Variants in GALNT10 observed in about 807,000 individuals in gnomAD.
GALNT10 encodes polypeptide N-acetylgalactosaminyltransferase 10.
Under a neutral mutation model 75.0 loss-of-function variants are expected in GALNT10, and 41 were observed. The observed-to-expected ratio is 0.55, with a 90% CI of 0.43 to 0.71. GALNT10 has a LOEUF of 0.71. Among genes scored for constraint, GALNT10 ranks in the 30% least tolerant of loss-of-function variants. The pLI, the probability that GALNT10 is intolerant of heterozygous loss-of-function variation, is 0.00. For missense variants in GALNT10, 727 were observed against 818.5 expected (o/e 0.89, Z 1.36); for synonymous variants, 302 against 313.0 (o/e 0.96, Z 0.37).
At chr5:154,289,395 T>G (rs1754158664) in intron 1 of GALNT10, among the ~76,000 whole-genome samples, 1 of 152,194 alleles carries the variant, frequency 6.6e-6, no homozygotes, top group Admixed American at 6.5e-5. Flanking sequence ...ACCTTTCCCA[T>G]TGATGAGCAT....
rs761019467 is a variant in GALNT10, at chr5:154,376,391, C to T, written c.683C>T (p.Ala228Val). The T allele has an allele frequency of 6.2e-7, 1 of 1,607,628 alleles. No individual in the cohort carries two copies. ...ACCCGAATGCTGGGGGCCTCAGTGGCAACTGGGGATGTCATCACATTCTTG... is the reference window on the plus strand; with the variant it reads ...ACCCGAATGCTGGGGGCCTCAGTGGTAACTGGGGATGTCATCACATTCTTG... The part of the protein sequence containing the change: ...IRTRMLGASV[A>V]TGDVITFLDS... Residue 228 changes from alanine (A) to valine (V), a missense_variant, in exon 5 of 12, where the codon GCA (alanine) becomes GTA (valine). Coordinates refer to ENST00000297107, the MANE Select transcript of GALNT10 (RefSeq NM_198321.4). The surrounding 1 kb of genome is among the most constrained non-coding windows in gnomAD (Gnocchi z 4.1).
At chr5:154,260,320 GC>G (rs1753683282) in intron 1 of GALNT10, among the ~76,000 whole-genome samples, 1 of 152,144 alleles carries the variant, frequency 6.6e-6, no homozygotes, top group Non-Finnish European at 1.5e-5. Flanking sequence ...AGGTGTTTTA[GC>G]TGTCCATAAT....
At chr5:154,373,191 T>C (rs2194109) in intron 4 of GALNT10, among the ~76,000 whole-genome samples, 1 of 152,132 alleles carries the variant, frequency 6.6e-6, no homozygotes, top group Non-Finnish European at 1.5e-5. Flanking sequence ...GGCACTTTGG[T>C]GAAGGCAGGT....
intron 3 of GALNT10, among the ~76,000 whole-genome samples, chr5:154,303,739 C>T (rs746842713): frequency 7.2e-5 from 11 of 152,158 alleles, no homozygotes; most frequent in Admixed American, 2.0e-4. Context: ...ATATATAATG[C>T]ACCCAGAACA....
intron 2 of GALNT10, 146 bp from the exon 3 acceptor site, chr5:154,297,795 T>C (rs28711194): frequency 0.015 from 3,996 of 273,818 alleles, 76 homozygotes; most frequent in African/African-American, 0.1. Flanking sequence ...CTCCTACTCT[T>C]TGTACTGAGC....
At chr5:154,257,056 C>T (rs1753626054) in intron 1 of GALNT10, among the ~76,000 whole-genome samples, 1 of 151,988 alleles carries the variant, frequency 6.6e-6, no homozygotes, top group Non-Finnish European at 1.5e-5. Context: ...GGGAGGATTG[C>T]TTGAAGCCAG....
chr5:154,197,699 G>T (rs1561625591), intron 1 of GALNT10, among the ~76,000 whole-genome samples: 1 of 152,164 alleles, frequency 6.6e-6, no homozygotes, highest in Non-Finnish European at 1.5e-5. Context: ...TGATGATATG[G>T]CTGATAATGA....
intron 1 of GALNT10, chr5:154,218,234 A>G (rs1447697096): frequency 1.9e-5 from 11 of 566,184 alleles, no homozygotes; most frequent in East Asian, 1.4e-4. Context: ...AAGCCCTCCC[A>G]GGACTTCAAG....
At chr5:154,223,027 G>A (rs1192775907) in intron 1 of GALNT10, among the ~76,000 whole-genome samples, 2 of 152,122 alleles carry the variant, frequency 1.3e-5, no homozygotes, top group Admixed American at 6.6e-5. Flanking sequence ...CCTGAATGTG[G>A]TACCAACATG....
At chr5:154,415,623 C>T (rs1331611321) in intron 10 of GALNT10, among the ~76,000 whole-genome samples, 160 bp from the exon 11 acceptor site, 1 of 152,140 alleles carries the variant, frequency 6.6e-6, no homozygotes, top group African/African-American at 2.4e-5. Flanking sequence ...AGCCACCGCA[C>T]CTGGCCAAGT....
At chr5:154,223,526 G>A (rs994620699) in intron 1 of GALNT10, among the ~76,000 whole-genome samples, 4 of 152,160 alleles carry the variant, frequency 2.6e-5, no homozygotes, top group Non-Finnish European at 5.9e-5. Flanking sequence ...TTTATTTTTG[G>A]CTCTGTGCCA....
intron 4 of GALNT10, among the ~76,000 whole-genome samples, chr5:154,358,486 G>A (rs902396654): frequency 6.6e-6 from 1 of 152,180 alleles, no homozygotes; most frequent in Non-Finnish European, 1.5e-5. Flanking sequence ...TAAGGAAACT[G>A]AAGCTTAGAG....
intron 1 of GALNT10, among the ~76,000 whole-genome samples, chr5:154,244,756 A>G (rs138575825): frequency 6.6e-6 from 1 of 152,240 alleles, no homozygotes; most frequent in African/African-American, 2.4e-5. Context: ...CAGCCACTTC[A>G]GCCTGGAACC....
intron 3 of GALNT10, among the ~76,000 whole-genome samples, chr5:154,321,806 C>T (rs535430210): frequency 5.6e-4 from 85 of 152,190 alleles, no homozygotes; most frequent in African/African-American, 1.8e-3. Flanking sequence ...GCCCCCTAGA[C>T]AGCACCTGCC....
Position 154,405,852 on chromosome 5 carries a change from TTTG to T in GALNT10, c.1164+1657_1164+1659del, listed in dbSNP as rs766497502. ...AAACGAGACCATGTCTCAAAGAAAG[TTTG>T]TTGTTGTTGTTGTTGCTGTTGTTTT... On this transcript the variant is annotated intron_variant, in intron 8 of 11. Coordinates refer to ENST00000297107, the MANE Select transcript of GALNT10 (RefSeq NM_198321.4). Among the ~76,000 whole-genome samples, 307 of 142,522 alleles carry T rather than the reference TTTG, an allele frequency of 2.2e-3. 2 individuals carry two copies. The highest frequency in any genetic ancestry group is 7.4e-3 in the African/African-American group (284 of 38,638). 93.5% of individuals were successfully genotyped at this position (142,522 alleles called of 152,430 possible).
At chr5:154,253,315 T>G (rs1271238355) in intron 1 of GALNT10, among the ~76,000 whole-genome samples, 1 of 146,032 alleles carries the variant, frequency 6.8e-6, no homozygotes, top group East Asian at 2.0e-4. Flanking sequence ...CACCGCATAT[T>G]CTCACTCATA....
chr5:154,210,191 G>A (rs1412170007), intron 1 of GALNT10, among the ~76,000 whole-genome samples: 1 of 151,970 alleles, frequency 6.6e-6, no homozygotes, highest in Admixed American at 6.6e-5. Flanking sequence ...TCCACCCCTG[G>A]CCCCCTACCC....
rs1490891601 is a variant in GALNT10, at chr5:154,338,266, G to A, written c.568+8528G>A. On this transcript the variant is annotated intron_variant, in intron 4 of 11. Coordinates refer to ENST00000297107, the MANE Select transcript of GALNT10 (RefSeq NM_198321.4). ...CATAGGTGGCAAACCCACAGCCCCT[G>A]GAGTGCTTGGTGCTTGGATCTCTCC... 4.3e-6 allele frequency: 3 copies of A among 690,430 alleles called. No homozygotes were observed. In the African/African-American group the frequency reaches 5.3e-5, roughly 12 times the overall value. The allele number at this position is 690,430 out of a possible 1,614,324, so 42.8% of individuals were successfully genotyped here.
chr5:154,367,103 GA>G (rs923864128), intron 4 of GALNT10, among the ~76,000 whole-genome samples: 1 of 152,038 alleles, frequency 6.6e-6, no homozygotes, highest in African/African-American at 2.4e-5. Flanking sequence ...GGATAGAATA[GA>G]AAAAAATAAA....
Sources: gnomAD v4.1 joint callset for allele counts (sites outside exome capture counted in the v4.1 genomes callset) on GRCh38, gnomAD v4.1.1 for gene constraint, Gnocchi (gnomAD v3.1) non-coding constraint, MANE v1.5 for transcripts, NCBI Gene and HGNC (gene_info 2026-07-23, HGNC 2026-07-21) for gene names.